Variants in ACACA observed in about 807,000 individuals in gnomAD.
ACACA encodes the protein acetyl-CoA carboxylase alpha, also known as acetyl-CoA carboxylase 1.
ACACA carries 103 observed loss-of-function variants against 296.1 expected under a neutral mutation model. The ratio of observed to expected loss-of-function variants is 0.35; its 90% CI spans 0.30 to 0.41. The LOEUF (loss-of-function observed/expected upper bound fraction) is 0.41. ACACA is among the 10% of genes least tolerant of loss of function. ACACA has a pLI of 1.00. For missense variants in ACACA, 1,554 were observed against 2,989.7 expected, an observed-to-expected ratio of 0.52 and a Z score of 11.20; for synonymous variants, 953 against 1,038.6, an observed-to-expected ratio of 0.92 and a Z score of 1.58.
At chr17:37,117,382 T>C (rs1257693284) in intron 50 of ACACA, among the ~76,000 whole-genome samples, 1 of 152,252 alleles carries the variant, frequency 6.6e-6, no homozygotes, top group Non-Finnish European at 1.5e-5. Flanking sequence ...ATTTTTTTTA[T>C]TGTTATTTAT....
chr17:37,244,463 G>T, intron 21 of ACACA, 125 bp downstream of exon 21: 1 of 1,168,480 alleles, frequency 8.6e-7, no homozygotes, highest in Non-Finnish European at 1.3e-6. Flanking sequence ...AACTGAAGGT[G>T]AAAGAGTTCT....
chr17:37,114,026 A>G (rs1157944077), intron 50 of ACACA, among the ~76,000 whole-genome samples: 1 of 152,162 alleles, frequency 6.6e-6, no homozygotes, highest in Non-Finnish European at 1.5e-5. Context: ...TGTCTCTACA[A>G]ATAATAAAAA....
At chr17:37,268,769 C>G (rs1029704614) in intron 10 of ACACA, among the ~76,000 whole-genome samples, 1 of 109,386 alleles carries the variant, frequency 9.1e-6, no homozygotes, top group African/African-American at 4.2e-5. Flanking sequence ...ATATATATAT[C>G]TGGTTCAGCT....
At chr17:37,107,412 G>A (rs2073750173) in intron 52 of ACACA, among the ~76,000 whole-genome samples, 2 of 152,166 alleles carry the variant, frequency 1.3e-5, no homozygotes, top group Admixed American at 1.3e-4. Context: ...TGTCATTCTG[G>A]CTGCTAGAGA....
intron 5 of ACACA, 25 bp downstream of exon 5, chr17:37,283,242 T>C (rs1205862904): frequency 1.9e-6 from 3 of 1,613,900 alleles, no homozygotes; most frequent in Non-Finnish European, 2.5e-6. Context: ...TTGAGAGTGA[T>C]GCTTTCATAA....
chr17:37,248,433 T>G (rs1186589479), intron 17 of ACACA, among the ~76,000 whole-genome samples, 160 bp downstream of exon 17: 1 of 152,178 alleles, frequency 6.6e-6, no homozygotes, highest in South Asian at 2.1e-4. Context: ...AAGATTTTCA[T>G]AGAACAACAA....
At position 37,300,503 on chromosome 17, in the gene ACACA, C is replaced by T. The variant is rs2083568368; in HGVS notation, c.339-15533G>A. 3.9e-5 allele frequency among the ~76,000 whole-genome samples: 6 copies of T among 152,202 alleles called. 1 individual carries two copies. The South Asian group carries it at 1.2e-3, about 32-fold the overall frequency. On this transcript the variant is annotated intron_variant, in intron 3 of 55. Coordinates refer to ENST00000616317, the MANE Select transcript of ACACA (RefSeq NM_198834.3). ...AATCATGAACCATAAAAAATTTATT[C>T]CCATCAAAATGCTGGATAGAAATAG...
chr17:37,227,067 C>CA (rs1307479684), intron 25 of ACACA, among the ~76,000 whole-genome samples: 1 of 152,092 alleles, frequency 6.6e-6, no homozygotes, highest in African/African-American at 2.4e-5. Flanking sequence ...GATACTTAAA[C>CA]ATGTGAATCC....
Position 37,359,616 on chromosome 17 carries a change from C to T in ACACA, c.39-19766G>A, listed in dbSNP as rs540520799. ...AAGTGAGGGGCCAGGACTAGCCGGCCTGTAGAGGCGGGGAAAGGGAACCCA... is the reference window on the plus strand; with the variant it reads ...AAGTGAGGGGCCAGGACTAGCCGGCTTGTAGAGGCGGGGAAAGGGAACCCA... On this transcript the variant is annotated intron_variant, in intron 1 of 55. Coordinates refer to ENST00000616317, the MANE Select transcript of ACACA (RefSeq NM_198834.3). Among the ~76,000 whole-genome samples the T allele has an allele frequency of 4.6e-5, 7 of 152,306 alleles. No individual in the cohort carries two copies. The South Asian group carries it at 1.4e-3, about 32-fold the overall frequency.
intron 54 of ACACA, among the ~76,000 whole-genome samples, chr17:37,090,126 T>G (rs1018322403): frequency 2.6e-5 from 4 of 152,228 alleles, no homozygotes; most frequent in Non-Finnish European, 5.9e-5. Flanking sequence ...GAAGCCTGTA[T>G]GCAAGCAAGG....
At chr17:37,404,897 C>G (rs1568113809) in intron 1 of ACACA, among the ~76,000 whole-genome samples, 1 of 152,092 alleles carries the variant, frequency 6.6e-6, no homozygotes. Flanking sequence ...CCTTTTACAG[C>G]AAAGCTACTC....
chr17:37,400,779 T>C (rs1410337615), intron 1 of ACACA, among the ~76,000 whole-genome samples: 1 of 152,124 alleles, frequency 6.6e-6, no homozygotes, highest in Non-Finnish European at 1.5e-5. Context: ...TCTCACATTT[T>C]CTTTATTCAT....
In ACACA at chr17:37,385,076, A is replaced by C. The variant is rs187419997; in HGVS notation, c.38+21186T>G. On this transcript the variant is annotated intron_variant, in intron 1 of 55. Transcript: ENST00000616317. The stretch of plus-strand genomic sequence containing the variant: ...TTCCACTGCTGGTGTGAATCACATC[A>C]TCTCTCATCTGGACTTTTGCAATGG... 1.6e-3 allele frequency among the ~76,000 whole-genome samples: 237 copies of C among 152,170 alleles called. 2 individuals carry two copies. In the Middle Eastern group the frequency reaches 0.027, roughly 17 times the overall value.
At chr17:37,297,521 A>G (rs1022086591) in intron 3 of ACACA, among the ~76,000 whole-genome samples, 4 of 132,106 alleles carry the variant, frequency 3.0e-5, no homozygotes, top group African/African-American at 1.4e-4. Context: ...TTGTGTATGT[A>G]TATGTGTGTG....
chr17:37,193,666 AT>A (rs1455818637), intron 35 of ACACA, among the ~76,000 whole-genome samples: 3 of 152,294 alleles, frequency 2.0e-5, no homozygotes, highest in South Asian at 2.1e-4. Flanking sequence ...GGGAAAAAAA[AT>A]GTATGAATTT....
rs755375195 is a variant in ACACA at position 37,275,958 on chromosome 17, G to A, written c.894C>T (p.Ser298=). Residue 298 remains serine (S), a synonymous_variant, in exon 8 of 56, where the codon AGC becomes AGT. Transcript: ENST00000616317. ...QTAGIPTLPW[S]GSGLRVDWQE... is the part of the protein sequence containing the mutation. ...CAAGAATTCAGTTCTTACCACTGCCGCTCCAGGGAAGAGTTGGGATACCTG... is the reference window on the plus strand; with the variant it reads ...CAAGAATTCAGTTCTTACCACTGCCACTCCAGGGAAGAGTTGGGATACCTG... The A allele has an allele frequency of 9.9e-6, 16 of 1,613,440 alleles. No individual in the cohort carries two copies. The highest frequency in any genetic ancestry group is 9.9e-5 in the South Asian group (9 of 91,080).
chr17:37,238,286 CTTTT>C (rs917331380), intron 24 of ACACA, among the ~76,000 whole-genome samples: 3 of 128,504 alleles, frequency 2.3e-5, no homozygotes, highest in Admixed American at 7.9e-5. Context: ...TTTCTTTCCT[CTTTT>C]TTTTTTTTTA....
chr17:37,212,381 G>C (rs913016149), intron 29 of ACACA, among the ~76,000 whole-genome samples: 1 of 152,086 alleles, frequency 6.6e-6, no homozygotes, highest in African/African-American at 2.4e-5. Context: ...CTCCTATAGA[G>C]AGCCCCCTGC....
At chr17:37,350,828 T>C (rs896979733) in intron 1 of ACACA, among the ~76,000 whole-genome samples, 3 of 151,298 alleles carry the variant, frequency 2.0e-5, no homozygotes, top group African/African-American at 7.3e-5. Flanking sequence ...GGCCCCCTTT[T>C]GTGCTTTTAA....
Sources: gnomAD v4.1 joint callset for allele counts (sites outside exome capture counted in the v4.1 genomes callset) on GRCh38, gnomAD v4.1.1 for gene constraint, MANE v1.5 for transcripts, NCBI Gene and HGNC (gene_info 2026-07-23, HGNC 2026-07-21) for gene names.